The following MGST3 variants were observed in gnomAD, a reference collection of about 807,000 sequenced individuals.
MGST3 encodes the protein microsomal glutathione S-transferase 3.
In MGST3, 13 loss-of-function variants were observed where a neutral mutation model predicts 15.8. The observed-to-expected ratio is 0.82, with a 90% CI of 0.54 to 1.31. MGST3 has a LOEUF of 1.31. Among genes scored for constraint, MGST3 ranks in the 50% most tolerant of loss-of-function variants. The pLI is 0.00. For synonymous variants in MGST3, 49 were observed against 68.1 expected (o/e 0.72, Z 1.38); for missense variants, 155 against 192.4 (o/e 0.81, Z 1.15).
intron 2 of MGST3, chr1:165,650,644 A>G: frequency 4.3e-6 from 1 of 230,282 alleles, no homozygotes; most frequent in Non-Finnish European, 8.7e-6. Context: ...AAATCTTAAA[A>G]GGATGTGGTA....
At chr1:165,642,501 G>T (rs1170483431) in intron 1 of MGST3, among the ~76,000 whole-genome samples, 1 of 152,170 alleles carries the variant, frequency 6.6e-6, no homozygotes, top group African/African-American at 2.4e-5. Context: ...TTTTAAAATG[G>T]CAGTTATAAA....
In MGST3 at chr1:165,649,836, C is replaced by T; in HGVS notation, c.-7-5C>T. The T allele has an allele frequency of 6.2e-7, 1 of 1,613,988 alleles. No homozygotes were observed. Among genetic ancestry groups the T allele is most frequent in the Non-Finnish European group, 8.5e-7 (1 of 1,180,012 alleles). ...GGCCGTCCCAACGTGTTCTTTCTTC[C>T]ACAGACGCAAGATGGCTGTCCTCTC... On this transcript the variant is annotated splice_polypyrimidine_tract_variant and splice_region_variant and intron_variant, in intron 1 of 5. Transcript: ENST00000367889.
Position 165,654,286 on chromosome 1 carries a change from C to T in MGST3, c.257C>T (p.Ala86Val). The T allele has an allele frequency of 6.2e-7, 1 of 1,614,094 alleles. No homozygotes were observed. Among genetic ancestry groups the T allele is most frequent in the South Asian group, 1.1e-5 (1 of 91,090 alleles). The change falls in exon 5 of 6, where the codon GCT becomes GTT. Residue 86 changes from alanine to valine, a missense_variant. Physicochemically the swap from Ala to Val is moderately conservative, Grantham distance 64 (BLOSUM62 0). Coordinates refer to ENST00000367889, the MANE Select transcript of MGST3 (RefSeq NM_004528.4). ...AVGGVYHPRI[A>V]SGLGLAWIVG... is the part of the protein sequence containing the mutation. Reference sequence around the variant, plus strand: ...GTAGCCCTTTTTTCTTAGCGTATAGCTTCTGGCCTGGGCTTGGCCTGGATT... The same window carrying T: ...GTAGCCCTTTTTTCTTAGCGTATAGTTTCTGGCCTGGGCTTGGCCTGGATT...
chr1:165,646,702 A>C (rs1469374027), intron 1 of MGST3: 1 of 152,274 alleles, frequency 6.6e-6, no homozygotes, highest in Admixed American at 6.5e-5. Flanking sequence ...TCTGAAAGAC[A>C]CCTGCAGTTG....
At chr1:165,655,155 A>G (rs890910724) in intron 5 of MGST3, among the ~76,000 whole-genome samples, 5 of 152,208 alleles carry the variant, frequency 3.3e-5, no homozygotes, top group African/African-American at 9.6e-5. Flanking sequence ...TTATCCCATA[A>G]TTTTCTAAGA....
rs773701001 is a variant in MGST3 at position 165,654,363 on chromosome 1, T to C, written c.322+12T>C. ...CTATTACACGGGAGGTTAGTATATA[T>C]TGACATTTGCCAAGGAAACAACTTT... is the stretch of plus-strand genomic sequence containing the variant. On this transcript the variant is annotated intron_variant, in intron 5 of 5. Coordinates refer to ENST00000367889, the MANE Select transcript of MGST3 (RefSeq NM_004528.4). The C allele has an allele frequency of 1.9e-6, 3 of 1,612,526 alleles. No individual in the cohort carries two copies. Among genetic ancestry groups the C allele is most frequent in the Non-Finnish European group, 2.5e-6 (3 of 1,178,538 alleles).
intron 1 of MGST3, among the ~76,000 whole-genome samples, chr1:165,638,667 C>T (rs1648179645): frequency 6.6e-6 from 1 of 152,134 alleles, no homozygotes; most frequent in African/African-American, 2.4e-5. Flanking sequence ...TCTGTAATCT[C>T]AGCTACTTAG....
chr1:165,635,751 A>G (rs1325593726), intron 1 of MGST3: 1 of 152,210 alleles, frequency 6.6e-6, no homozygotes, highest in Non-Finnish European at 1.5e-5. Context: ...TCCTCCTAAC[A>G]TATAGTTAGC....
chr1:165,655,317 A>C, intron 5 of MGST3, 51 bp from the exon 6 acceptor site: 3 of 1,610,592 alleles, frequency 1.9e-6, no homozygotes, highest in Non-Finnish European at 2.5e-6. Context: ...TGTTGAAAGC[A>C]TCATAATTCT....
At chr1:165,641,849 T>C (rs950808173) in intron 1 of MGST3, among the ~76,000 whole-genome samples, 5 of 152,176 alleles carry the variant, frequency 3.3e-5, no homozygotes, top group Non-Finnish European at 7.4e-5. Context: ...GTAAAAACAT[T>C]TAGGATCTCT....
At chr1:165,650,972 C>T (rs1226249205) in intron 2 of MGST3, 42 bp from the exon 3 acceptor site, 1 of 1,559,920 alleles carries the variant, frequency 6.4e-7, no homozygotes, top group Admixed American at 1.7e-5. Flanking sequence ...ACACTGAATG[C>T]TCCTCTTGAC....
intron 1 of MGST3, among the ~76,000 whole-genome samples, chr1:165,634,024 G>GTTT (rs56190944): frequency 6.5e-5 from 9 of 138,446 alleles, no homozygotes; most frequent in Non-Finnish European, 6.3e-5. Flanking sequence ...CTTTCCCAAA[G>GTTT]TTTTTTTTTT....
At chr1:165,631,964 T>C (rs1337993948) in intron 1 of MGST3, 1 of 401,034 alleles carries the variant, frequency 2.5e-6, no homozygotes. Flanking sequence ...TTTCAGAAAA[T>C]GCCCCTTCTT....
chr1:165,644,029 G>A (rs1648329898), intron 1 of MGST3, among the ~76,000 whole-genome samples: 1 of 147,716 alleles, frequency 6.8e-6, no homozygotes, highest in South Asian at 2.1e-4. Context: ...CCATACTCCA[G>A]CCTTGGCAAC....
chr1:165,654,081 A>G, intron 4 of MGST3, 198 bp from the exon 5 acceptor site: 1 of 584,608 alleles, frequency 1.7e-6, no homozygotes, highest in African/African-American at 1.9e-5. Context: ...CCACAAGCCA[A>G]GCCATTCATA....
chr1:165,639,336 G>A (rs1648203940), intron 1 of MGST3, among the ~76,000 whole-genome samples: 1 of 152,218 alleles, frequency 6.6e-6, no homozygotes, highest in African/African-American at 2.4e-5. Context: ...CCTGTATTCA[G>A]ACACCAGCTG....
intron 3 of MGST3, chr1:165,651,356 A>G (rs1339295985): frequency 2.0e-6 from 1 of 508,304 alleles, no homozygotes; most frequent in Non-Finnish European, 3.6e-6. Context: ...AGCATGACCC[A>G]TCTAAACCGA....
At position 165,649,919 on chromosome 1, in the gene MGST3, C is replaced by T. The variant is rs1429143995; in HGVS notation, c.72C>T (p.His24=). 6.2e-7 allele frequency: 1 copy of T among 1,614,188 alleles called. No individual in the cohort carries two copies. The highest frequency in any genetic ancestry group is 8.5e-7 in the Non-Finnish European group (1 of 1,180,052). ...TGAASFIMVA[H]LAINVSKARK... is the part of the protein sequence containing the mutation. ...CTGCCAGCTTTATAATGGTGGCCCA[C>T]CTAGCCATCAATGTTTCCAAGGCCC... is the stretch of plus-strand genomic sequence containing the variant. The change falls in exon 2 of 6, where the codon CAC becomes CAT. Residue 24 remains histidine, a synonymous_variant. Transcript: ENST00000367889.
intron 1 of MGST3, among the ~76,000 whole-genome samples, chr1:165,641,503 G>A (rs938565469): frequency 1.3e-5 from 2 of 152,210 alleles, no homozygotes; most frequent in Non-Finnish European, 1.5e-5. Flanking sequence ...GCATACAACT[G>A]ATTTGTAGAA....
Sources: allele counts gnomAD v4.1 joint callset (sites outside exome capture counted in the v4.1 genomes callset), GRCh38; gene constraint gnomAD v4.1.1; transcripts MANE v1.5; gene names NCBI Gene and HGNC (gene_info 2026-07-23, HGNC 2026-07-21).